CNNM3: variants seen among roughly 807,000 people sequenced by gnomAD.
The protein encoded by CNNM3 is metal transporter CNNM3.
A neutral mutation model predicts 57.1 loss-of-function variants in CNNM3; 47 were observed. The ratio of observed to expected loss-of-function variants is 0.82; its 90% confidence interval spans 0.65 to 1.05. CNNM3 has a LOEUF of 1.05. CNNM3 is among the 50% of genes least tolerant of loss of function. The pLI, the probability that CNNM3 is intolerant of heterozygous loss-of-function variation, is 0.00. For synonymous variants in CNNM3, 507 were observed against 478.2 expected, an observed-to-expected ratio of 1.06 and a Z score of -0.79; for missense variants, 957 against 973.7, an observed-to-expected ratio of 0.98 and a Z score of 0.23.
chr2:96,832,280 C>G (rs1037997127), intron 7 of CNNM3: 1 of 985,364 alleles, frequency 1.0e-6, no homozygotes, highest in Non-Finnish European at 1.2e-6. Context: ...GGTGCTGTAT[C>G]GTCCCGGGAA....
Position 96,816,735 on chromosome 2 carries a change from G to A in CNNM3, c.458G>A (p.Gly153Asp), listed in dbSNP as rs1472482678. The A allele has an allele frequency of 1.7e-5, 17 of 1,013,956 alleles. No homozygotes were observed. The highest frequency in any genetic ancestry group is 2.0e-5 in the Non-Finnish European group (17 of 850,812). 62.8% of individuals were successfully genotyped at this position (1,013,956 alleles called of 1,614,324 possible). ...GLLALAALAR[G>D]LQLSALALAP... Reference sequence around the variant, plus strand: ...CTGGCGCTGGCAGCGCTGGCGCGAGGCCTGCAGCTGAGCGCGCTGGCGCTG... The same window carrying A: ...CTGGCGCTGGCAGCGCTGGCGCGAGACCTGCAGCTGAGCGCGCTGGCGCTG... The change falls in exon 1 of 8, where the codon GGC becomes GAC. Residue 153 changes from glycine to aspartate, a missense_variant. Coordinates refer to ENST00000305510, the MANE Select transcript of CNNM3 (RefSeq NM_017623.5).
In CNNM3 at chr2:96,828,591, T is replaced by A. The variant is rs2079550300; in HGVS notation, c.1811T>A (p.Leu604His). The A allele has an allele frequency of 6.2e-7, 1 of 1,614,038 alleles. No individual in the cohort carries two copies. Residue 604 changes from leucine to histidine, a missense_variant, in exon 6 of 8, where the codon CTC becomes CAC. Around this residue, in one of 2 missense-constraint regions of CNNM3, gnomAD observed 491 missense variants for 570.6 expected, o/e 0.86. Transcript: ENST00000305510. ...GTTCACCAGTCCCCGGTGTCCTCGC[T>A]CCAGCCCATCCGCCATGACCTGCAG... is the stretch of plus-strand genomic sequence containing the variant. ...SSVHQSPVSS[L>H]QPIRHDLQPD...
chr2:96,817,581 T>G (rs1388228054), intron 1 of CNNM3, 79 bp downstream of exon 1: 1 of 1,419,244 alleles, frequency 7.0e-7, no homozygotes, highest in Admixed American at 1.8e-5. Flanking sequence ...TATGGAAGCC[T>G]TCTGGAAAGG....
At position 96,833,020 on chromosome 2, in the gene CNNM3, T is replaced by C; in HGVS notation, c.*404T>C. On this transcript the variant is annotated 3_prime_UTR_variant, in exon 8 of 8. Coordinates refer to ENST00000305510, the MANE Select transcript of CNNM3 (RefSeq NM_017623.5). ...TTTGTGTGGCCGTGACCTCTATTTG[T>C]TTGCTTTTAATTTGCCAACCTATCG... 7.6e-7 allele frequency: 1 copy of C among 1,310,262 alleles called. No homozygotes were observed. Among genetic ancestry groups the C allele is most frequent in the East Asian group, 5.1e-5 (1 of 19,716 alleles). 81.2% of individuals were successfully genotyped at this position (1,310,262 alleles called of 1,614,324 possible).
chr2:96,832,443 A>G, intron 7 of CNNM3, 109 bp from the exon 8 acceptor site: 1 of 1,566,662 alleles, frequency 6.4e-7, no homozygotes, highest in Non-Finnish European at 8.7e-7. Flanking sequence ...GGCATCCCGA[A>G]GCACCTGTCT....
In CNNM3 at chr2:96,834,430, G is replaced by A. The variant is rs539420269; in HGVS notation, c.*1814G>A. 4.6e-5 allele frequency among the ~76,000 whole-genome samples: 7 copies of A among 151,030 alleles called. No homozygotes were observed. The East Asian group carries it at 9.8e-4, about 21-fold the overall frequency. On this transcript the variant is annotated 3_prime_UTR_variant, in exon 8 of 8. Coordinates refer to ENST00000305510, the MANE Select transcript of CNNM3 (RefSeq NM_017623.5). ...TGTGATCACGGCTTGCTGCAGCCTC[G>A]ACCTCCCTGGTTCAGGCCATCCTGC...
rs1439217704 is a variant in CNNM3 at position 96,817,003 on chromosome 2, C to T, written c.726C>T (p.Ala242=). The T allele has an allele frequency of 4.4e-6, 6 of 1,369,832 alleles. No individual in the cohort carries two copies. Among genetic ancestry groups the T allele is most frequent in the Non-Finnish European group, 5.7e-6 (6 of 1,055,842 alleles). 84.9% of individuals were successfully genotyped at this position (1,369,832 alleles called of 1,614,324 possible). ...VFLVGEVVPA[A]VSGRWTLALA... is the part of the protein sequence containing the mutation. ...TGGTGGGAGAGGTGGTGCCGGCCGCCGTGAGCGGGCGCTGGACGCTGGCGC... is the reference window on the plus strand; with the variant it reads ...TGGTGGGAGAGGTGGTGCCGGCCGCTGTGAGCGGGCGCTGGACGCTGGCGC... Residue 242 remains alanine, a synonymous_variant, in exon 1 of 8, where the codon GCC becomes GCT. Coordinates refer to ENST00000305510, the MANE Select transcript of CNNM3 (RefSeq NM_017623.5).
chr2:96,832,040 G>A (rs962349598), intron 7 of CNNM3: 65 of 987,694 alleles, frequency 6.6e-5, no homozygotes, highest in East Asian at 3.4e-4. Context: ...GGACTAGTGC[G>A]CGTTTTTTGT....
chr2:96,828,514 A>G, intron 5 of CNNM3, 53 bp from the exon 6 acceptor site: 1 of 1,609,308 alleles, frequency 6.2e-7, no homozygotes, highest in Non-Finnish European at 8.5e-7. Flanking sequence ...CCAGGGGAGG[A>G]GGCTCCCAGC....
At chr2:96,821,054 T>G (rs762556646) in intron 1 of CNNM3, among the ~76,000 whole-genome samples, 7 of 152,034 alleles carry the variant, frequency 4.6e-5, no homozygotes, top group Non-Finnish European at 1.0e-4. Context: ...AAGGATCCCC[T>G]TGGAAGACAG....
In CNNM3 at chr2:96,834,151, C is replaced by T. The variant is rs1218393836; in HGVS notation, c.*1535C>T. On this transcript the variant is annotated 3_prime_UTR_variant, in exon 8 of 8. Transcript: ENST00000305510. ...CAGGCTGATCTTGAACTCCTGACCT[C>T]AGGTGATCTGCCTGCCTTGGCCTCC... Among the ~76,000 whole-genome samples the T allele has an allele frequency of 6.6e-6, 1 of 151,972 alleles. No homozygotes were observed. The highest frequency in any genetic ancestry group is 1.5e-5 in the Non-Finnish European group (1 of 67,990).
chr2:96,829,267 C>T, intron 7 of CNNM3, 133 bp downstream of exon 7: 1 of 1,198,374 alleles, frequency 8.3e-7, no homozygotes, highest in Non-Finnish European at 1.1e-6. Flanking sequence ...CTTTTCCCTT[C>T]TTTATATATA....
chr2:96,816,781 G>A lies in CNNM3; in HGVS notation c.504G>A (p.Val168=). The A allele has an allele frequency of 9.8e-7, 1 of 1,022,388 alleles. No homozygotes were observed. Among genetic ancestry groups the A allele is most frequent in the Non-Finnish European group, 1.2e-6 (1 of 856,494 alleles). The allele number at this position is 1,022,388 out of a possible 1,614,324, so 63.3% of individuals were successfully genotyped here. A position where few individuals can be genotyped will look rare whatever the true frequency, so the allele number is the denominator to read the frequency against. The stretch of plus-strand genomic sequence containing the variant: ...CGCTGGCGCCTGCCGAGGTGCAGGT[G>A]CTGCGCGAGAGCGGCTCGGAGGCGG... The part of the protein sequence containing the change: ...ALALAPAEVQ[V]LRESGSEAER... The change falls in exon 1 of 8, where the codon GTG becomes GTA. Residue 168 remains valine, a synonymous_variant. Coordinates refer to ENST00000305510, the MANE Select transcript of CNNM3 (RefSeq NM_017623.5).
At chr2:96,829,586 C>T (rs2079567513) in intron 7 of CNNM3, among the ~76,000 whole-genome samples, 1 of 150,642 alleles carries the variant, frequency 6.6e-6, no homozygotes, top group Non-Finnish European at 1.5e-5. Flanking sequence ...CAGGCATGAA[C>T]CACTGTGCCC....
chr2:96,827,899 A>G lies in CNNM3; in HGVS notation c.1688A>G (p.Gln563Arg). 6.2e-7 allele frequency: 1 copy of G among 1,610,606 alleles called. No individual in the cohort carries two copies. Among genetic ancestry groups the G allele is most frequent in the Non-Finnish European group, 8.5e-7 (1 of 1,177,340 alleles). ...QPVDYFILIL[Q>R]GRVEVEIGKE... ...GTGGATTACTTCATTCTCATCCTGC[A>G]GGTAGCTGTGGGTCCCAGGCCTGGA... The change falls in exon 4 of 8, where the codon CAG becomes CGG. Residue 563 changes from glutamine (Q) to arginine (R), a missense_variant and splice_region_variant. Physicochemically the swap from Gln to Arg is conservative, Grantham distance 43. Transcript: ENST00000305510.
At position 96,816,427 on chromosome 2, in the gene CNNM3, C is replaced by T; in HGVS notation, c.150C>T (p.Arg50=). The T allele has an allele frequency of 1.4e-6, 2 of 1,385,652 alleles. No individual in the cohort carries two copies. The highest frequency in any genetic ancestry group is 6.1e-5 in the East Asian group (2 of 32,814). The allele number at this position is 1,385,652 out of a possible 1,614,324, so 85.8% of individuals were successfully genotyped here. A position where few individuals can be genotyped will look rare whatever the true frequency, so the allele number is the denominator to read the frequency against. Residue 50 remains arginine, a synonymous_variant, in exon 1 of 8, where the codon CGC becomes CGT. Transcript: ENST00000305510. ...EDGAAGAGWV[R]GGAARDTPDA... ...GAGCGGCGGGCGCGGGTTGGGTACG[C>T]GGAGGGGCGGCGCGGGACACGCCGG...
chr2:96,818,287 G>A (rs958104181), intron 1 of CNNM3, among the ~76,000 whole-genome samples: 20 of 151,606 alleles, frequency 1.3e-4, no homozygotes, highest in Non-Finnish European at 2.2e-4. Flanking sequence ...GTTTCACCAC[G>A]TTGACCAAGC....
downstream of CNNM3, among the ~76,000 whole-genome samples, chr2:96,835,688 C>T (rs942946293): frequency 7.2e-5 from 11 of 152,154 alleles, no homozygotes; most frequent in South Asian, 2.1e-4. Flanking sequence ...AGGATGGTCT[C>T]GATCTCCTGA....
downstream of CNNM3, among the ~76,000 whole-genome samples, chr2:96,836,088 C>CCCTTT (rs1553484522): frequency 7.0e-6 from 1 of 143,470 alleles, no homozygotes; most frequent in Non-Finnish European, 1.5e-5. Context: ...CCCTCCCCCC[C>CCCTTT]TTTTTTTTTT....
Sources: gnomAD v4.1 joint callset for allele counts (sites outside exome capture counted in the v4.1 genomes callset) on GRCh38, gnomAD v4.1.1 for gene constraint, gnomAD v4.1.1 regional missense constraint, MANE v1.5 for transcripts, NCBI Gene and HGNC (gene_info 2026-07-23, HGNC 2026-07-21) for gene names.